Variants in RBFOX1 observed in about 807,000 individuals in gnomAD.
The protein encoded by RBFOX1 is RNA binding fox-1 homolog 1.
RBFOX1 carries 8 observed loss-of-function variants against 57.7 expected under a neutral mutation model. The ratio of observed to expected loss-of-function variants is 0.14; its 90% CI spans 0.08 to 0.25. The LOEUF (loss-of-function observed/expected upper bound fraction) is 0.25. Ranked by LOEUF, RBFOX1 falls within the 10% of genes least tolerant of loss-of-function variation. The pLI is 1.00. For synonymous variants in RBFOX1, 326 were observed against 222.4 expected (o/e 1.47, Z -4.15); for missense variants, 611 against 548.5 (o/e 1.11, Z -1.14).
chr16:7,498,352 C>A (rs7203831), intron 4 of RBFOX1, among the ~76,000 whole-genome samples: 19,105 of 152,094 alleles, frequency 0.13, 1,281 homozygotes, highest in East Asian at 0.21. Flanking sequence ...ACATGGGTCT[C>A]ACTCAGCCTC....
chr16:6,761,036 G>A (rs368016180), intron 3 of RBFOX1, among the ~76,000 whole-genome samples: 208 of 152,288 alleles, frequency 1.4e-3, no homozygotes, highest in African/African-American at 4.8e-3. Context: ...GAACATTAAA[G>A]TTTATAGCTT....
At chr16:6,364,844 C>G (rs114056159) in intron 2 of RBFOX1, among the ~76,000 whole-genome samples, 8,213 of 152,138 alleles carry the variant, frequency 0.054, 779 homozygotes, top group African/African-American at 0.18. Flanking sequence ...TAACTGAAGG[C>G]AAAGGGAATG....
intron 1 of RBFOX1, among the ~76,000 whole-genome samples, chr16:6,080,351 G>A (rs760159435): frequency 6.6e-6 from 1 of 152,152 alleles, no homozygotes; most frequent in Non-Finnish European, 1.5e-5. Context: ...CAGGGTTCCA[G>A]CTCTCACCTA....
intron 3 of RBFOX1, among the ~76,000 whole-genome samples, chr16:6,966,072 G>T (rs1345982010): frequency 6.6e-6 from 1 of 152,130 alleles, no homozygotes; most frequent in Admixed American, 6.6e-5. Context: ...TTTGAAGGTA[G>T]TGATTTTTAC....
At chr16:7,257,668 C>T (rs955957517) in intron 4 of RBFOX1, among the ~76,000 whole-genome samples, 1 of 152,132 alleles carries the variant, frequency 6.6e-6, no homozygotes, top group Non-Finnish European at 1.5e-5. Context: ...TGTAGCCATC[C>T]TTGGGTCCAG....
At chr16:5,991,655 T>G (rs2060400626) in intron 4 of RBFOX1, among the ~76,000 whole-genome samples, 1 of 151,314 alleles carries the variant, frequency 6.6e-6, no homozygotes, top group Non-Finnish European at 1.5e-5. Context: ...GTTTTTTTTT[T>G]TTTTTTTTTT....
chr16:7,352,417 T>G (rs2097144845), intron 4 of RBFOX1, among the ~76,000 whole-genome samples: 1 of 152,136 alleles, frequency 6.6e-6, no homozygotes, highest in South Asian at 2.1e-4. Flanking sequence ...AGTGTGCTGT[T>G]GTGGGAATGC....
intron 3 of RBFOX1, among the ~76,000 whole-genome samples, chr16:7,051,429 T>G (rs748447692): frequency 1.2e-4 from 19 of 152,252 alleles, no homozygotes; most frequent in Non-Finnish European, 2.4e-4. Context: ...AATTAATGCA[T>G]GGCATATGTA....
intron 3 of RBFOX1, among the ~76,000 whole-genome samples, chr16:6,989,127 C>T (rs953220461): frequency 6.6e-6 from 1 of 152,094 alleles, no homozygotes; most frequent in African/African-American, 2.4e-5. Flanking sequence ...AACTCTTGAC[C>T]TCAAGTGATC....
At chr16:6,397,453 C>G (rs76465828) in intron 2 of RBFOX1, among the ~76,000 whole-genome samples, 2,192 of 151,966 alleles carry the variant, frequency 0.014, 58 homozygotes, top group African/African-American at 0.05. Flanking sequence ...AAAAAAAAAT[C>G]CTTCACAGAA....
chr16:6,207,838 G>A lies in RBFOX1; in HGVS notation c.-126-109157G>A, dbSNP rs1598370507. Among the ~76,000 whole-genome samples the A allele has an allele frequency of 2.6e-5, 4 of 151,988 alleles. No homozygotes were observed. The South Asian group carries it at 8.3e-4, about 32-fold the overall frequency. On this transcript the variant is annotated intron_variant, in intron 1 of 15. Transcript: ENST00000550418. Reference sequence around the variant, plus strand: ...GCGTAGCTGGGACTACAGATGTATGGCACCACATCCAGCTAATTAAAAAAA... The same window carrying A: ...GCGTAGCTGGGACTACAGATGTATGACACCACATCCAGCTAATTAAAAAAA...
At chr16:6,627,591 T>C (rs1467855358) in intron 2 of RBFOX1, among the ~76,000 whole-genome samples, 2 of 152,148 alleles carry the variant, frequency 1.3e-5, no homozygotes, top group African/African-American at 4.8e-5. Flanking sequence ...CTATGAACGC[T>C]AGACTGAGAA....
intron 3 of RBFOX1, among the ~76,000 whole-genome samples, chr16:6,850,282 G>A (rs959261204): frequency 5.3e-5 from 8 of 152,130 alleles, no homozygotes; most frequent in African/African-American, 1.9e-4. Flanking sequence ...ATAAATAATT[G>A]CATACTTACA....
chr16:5,905,893 C>T (rs1265548941), intron 4 of RBFOX1, among the ~76,000 whole-genome samples: 2 of 152,182 alleles, frequency 1.3e-5, no homozygotes, highest in Non-Finnish European at 2.9e-5. Context: ...CTTTAGAATT[C>T]ATCTCTTTTT....
chr16:5,778,375 C>G (rs964264136), intron 3 of RBFOX1, among the ~76,000 whole-genome samples: 74 of 152,288 alleles, frequency 4.9e-4, no homozygotes, highest in African/African-American at 1.7e-3. Flanking sequence ...GTTCTCTGAT[C>G]ACCTGGACTG....
At chr16:5,371,648 A>G (rs1280138642) in intron 1 of RBFOX1, among the ~76,000 whole-genome samples, 2 of 152,210 alleles carry the variant, frequency 1.3e-5, no homozygotes, top group African/African-American at 4.8e-5. Flanking sequence ...TGAGTGGTGC[A>G]GGGGCAATTC....
chr16:5,367,908 G>T (rs888228719), intron 1 of RBFOX1, among the ~76,000 whole-genome samples: 5 of 151,962 alleles, frequency 3.3e-5, no homozygotes, highest in African/African-American at 1.2e-4. Flanking sequence ...GACTCTGGAC[G>T]TTAAGAAGAT....
At chr16:5,980,683 A>G (rs1054826789) in intron 4 of RBFOX1, among the ~76,000 whole-genome samples, 1 of 152,112 alleles carries the variant, frequency 6.6e-6, no homozygotes, top group Non-Finnish European at 1.5e-5. Context: ...AATTAATATC[A>G]TGAGGAGGTT....
chr16:7,710,329 T>A, intron 15 of RBFOX1: 1 of 1,233,348 alleles, frequency 8.1e-7, no homozygotes, highest in Non-Finnish European at 1.0e-6. Context: ...TATTCTGTTA[T>A]AAAAAAATGA....
Sources: allele counts gnomAD v4.1 joint callset (sites outside exome capture counted in the v4.1 genomes callset), GRCh38; gene constraint gnomAD v4.1.1; transcripts MANE v1.5; gene names NCBI Gene and HGNC (gene_info 2026-07-23, HGNC 2026-07-21).